Variants in MARCHF1 observed in about 807,000 individuals in gnomAD.
MARCHF1 encodes membrane associated ring-CH-type finger 1.
A neutral mutation model predicts 54.2 loss-of-function variants in MARCHF1; 40 were observed. That is an observed-to-expected ratio of 0.74 (90% CI 0.57 to 0.96). The LOEUF is 0.96. Ranked by LOEUF, MARCHF1 falls within the 40% of genes least tolerant of loss-of-function variation. The pLI is 0.00. For missense variants in MARCHF1, 586 were observed against 656.5 expected (o/e 0.89, Z 1.17); for synonymous variants, 236 against 236.3 (o/e 1.00, Z 0.01).
intron 2 of MARCHF1, among the ~76,000 whole-genome samples, chr4:164,097,523 T>C (rs1317520795): frequency 6.6e-6 from 1 of 152,212 alleles, no homozygotes; most frequent in Non-Finnish European, 1.5e-5. Flanking sequence ...CTAGATCTTG[T>C]TAAGTTTACC....
chr4:164,013,859 G>C (rs1753479808), intron 2 of MARCHF1, among the ~76,000 whole-genome samples: 6 of 152,066 alleles, frequency 3.9e-5, no homozygotes, highest in Non-Finnish European at 8.8e-5. Context: ...CACCAGACTT[G>C]CCTTAAAAGA....
chr4:164,269,922 C>T (rs1230541674), intron 1 of MARCHF1, among the ~76,000 whole-genome samples: 2 of 152,130 alleles, frequency 1.3e-5, no homozygotes, highest in Non-Finnish European at 2.9e-5. Context: ...CCTAAATGTT[C>T]CCTCTGCTTC....
chr4:163,617,689 T>C (rs35021387), intron 5 of MARCHF1, among the ~76,000 whole-genome samples: 12,797 of 152,202 alleles, frequency 0.084, 650 homozygotes, highest in East Asian at 0.16. Context: ...TGTATGGCCA[T>C]AGAATCTAAT....
chr4:163,934,980 C>T (rs1751762808), intron 3 of MARCHF1, among the ~76,000 whole-genome samples: 1 of 152,052 alleles, frequency 6.6e-6, no homozygotes. Context: ...ATGGCAGCTA[C>T]AGTACAGCCT....
chr4:163,758,565 C>A (rs1176078681), intron 4 of MARCHF1, among the ~76,000 whole-genome samples: 1 of 152,192 alleles, frequency 6.6e-6, no homozygotes, highest in Non-Finnish European at 1.5e-5. Flanking sequence ...TGGTTACCCA[C>A]AGTGCTATAA....
In MARCHF1 at chr4:163,776,228, A is replaced by G. The variant is rs1037569291; in HGVS notation, c.112-75365T>C. On this transcript the variant is annotated intron_variant, in intron 4 of 9. Coordinates refer to ENST00000514618, the MANE Select transcript of MARCHF1 (RefSeq NM_001394959.1). Reference sequence around the variant, plus strand: ...AGAAAATTAGAGCTTAGAAAAAATTAAGGAACTTGCTTACGGTCAATTAGT... The same window carrying G: ...AGAAAATTAGAGCTTAGAAAAAATTGAGGAACTTGCTTACGGTCAATTAGT... Among the ~76,000 whole-genome samples the G allele has an allele frequency of 2.6e-5, 4 of 152,104 alleles. 1 individual carries two copies. Among genetic ancestry groups the G allele is most frequent in the Non-Finnish European group, 5.9e-5 (4 of 67,986 alleles).
chr4:163,859,016 TAGG>T (rs1342771595), intron 3 of MARCHF1, among the ~76,000 whole-genome samples: 1 of 152,196 alleles, frequency 6.6e-6, no homozygotes, highest in African/African-American at 2.4e-5. Flanking sequence ...AGTTGTATTC[TAGG>T]ATGTGGAAGA....
At chr4:163,898,486 T>A (rs898544545) in intron 3 of MARCHF1, among the ~76,000 whole-genome samples, 2 of 152,114 alleles carry the variant, frequency 1.3e-5, no homozygotes, top group African/African-American at 4.8e-5. Flanking sequence ...CAACGAGATG[T>A]TATCTTATAC....
chr4:163,870,613 T>C (rs1031938927), intron 3 of MARCHF1, among the ~76,000 whole-genome samples: 5 of 152,136 alleles, frequency 3.3e-5, no homozygotes. Flanking sequence ...AGTCTAGAGA[T>C]GCCGCTTTTT....
At chr4:164,348,958 T>C (rs1347543110) in intron 1 of MARCHF1, among the ~76,000 whole-genome samples, 1 of 152,170 alleles carries the variant, frequency 6.6e-6, no homozygotes, top group Admixed American at 6.5e-5. Flanking sequence ...CAACAAAACC[T>C]GCTTTGAGGA....
intron 1 of MARCHF1, among the ~76,000 whole-genome samples, chr4:164,168,663 T>TACACACACACACACACACACAC (rs3059785): frequency 6.8e-6 from 1 of 147,068 alleles, no homozygotes; most frequent in African/African-American, 2.5e-5. Flanking sequence ...TTATGTGGAA[T>TACACACACACACACACACACAC]ACACACACAC....
At chr4:164,186,174 T>C (rs1443590159) in intron 1 of MARCHF1, among the ~76,000 whole-genome samples, 1 of 152,186 alleles carries the variant, frequency 6.6e-6, no homozygotes, top group Non-Finnish European at 1.5e-5. Flanking sequence ...ATTACAGACA[T>C]GAGCCACTGT....
chr4:163,672,213 T>C (rs2111133868), intron 5 of MARCHF1, among the ~76,000 whole-genome samples: 1 of 152,358 alleles, frequency 6.6e-6, no homozygotes, highest in East Asian at 1.9e-4. Flanking sequence ...AACAGTTAAT[T>C]GAGGTAAGAT....
At chr4:164,178,134 A>G (rs955133184) in intron 1 of MARCHF1, among the ~76,000 whole-genome samples, 1 of 152,212 alleles carries the variant, frequency 6.6e-6, no homozygotes, top group African/African-American at 2.4e-5. Flanking sequence ...AAAAAACAGT[A>G]CATATATCTA....
intron 1 of MARCHF1, among the ~76,000 whole-genome samples, chr4:164,171,541 C>T (rs1430993): frequency 0.19 from 28,805 of 151,904 alleles, 4,392 homozygotes; most frequent in African/African-American, 0.41. Flanking sequence ...ATAGTTAAAA[C>T]TTTTAAAATC....
intron 3 of MARCHF1, among the ~76,000 whole-genome samples, chr4:163,889,194 TAC>T (rs1404909911): frequency 6.6e-6 from 1 of 152,196 alleles, no homozygotes; most frequent in Non-Finnish European, 1.5e-5. Context: ...AACTCATATT[TAC>T]AGAGTCCTCA....
At chr4:164,357,856 A>G (rs1730606104) in intron 1 of MARCHF1, among the ~76,000 whole-genome samples, 1 of 152,202 alleles carries the variant, frequency 6.6e-6, no homozygotes, top group South Asian at 2.1e-4. Context: ...TTTTTAAGAA[A>G]TAATTTTTCC....
chr4:163,998,042 C>A (rs903117432), intron 2 of MARCHF1, among the ~76,000 whole-genome samples: 17 of 108,454 alleles, frequency 1.6e-4, no homozygotes, highest in African/African-American at 5.6e-4. Context: ...TGTTTTATTA[C>A]CCTAAGAAAA....
chr4:164,216,611 GGATTA>G (rs1448502654), intron 1 of MARCHF1, among the ~76,000 whole-genome samples: 2 of 152,072 alleles, frequency 1.3e-5, no homozygotes, highest in African/African-American at 4.8e-5. Context: ...GTCATTTCTT[GGATTA>G]GATTAATTAC....
Sources: allele counts gnomAD v4.1 joint callset (sites outside exome capture counted in the v4.1 genomes callset), GRCh38; gene constraint gnomAD v4.1.1; transcripts MANE v1.5; gene names NCBI Gene and HGNC (gene_info 2026-07-23, HGNC 2026-07-21).